Variants in NELL1 observed in about 807,000 individuals in gnomAD.
The protein encoded by NELL1 is protein kinase C-binding protein NELL1.
Under a neutral mutation model 107.4 loss-of-function variants are expected in NELL1, and 76 were observed. The ratio of observed to expected loss-of-function variants is 0.71; its 90% CI spans 0.59 to 0.86. The LOEUF is 0.86. NELL1 is among the 40% of genes least tolerant of loss of function. The pLI is 0.00. For synonymous variants in NELL1, 353 were observed against 341.2 expected, an observed-to-expected ratio of 1.03 and a Z score of -0.38; for missense variants, 1,024 against 1,005.5, an observed-to-expected ratio of 1.02 and a Z score of -0.25.
chr11:21,418,375 T>A (rs1852571911), intron 15 of NELL1, among the ~76,000 whole-genome samples: 1 of 152,156 alleles, frequency 6.6e-6, no homozygotes, highest in African/African-American at 2.4e-5. Flanking sequence ...ACTTATCTAC[T>A]GATTTGCCTT....
At chr11:21,041,575 G>A (rs1336380122) in intron 12 of NELL1, among the ~76,000 whole-genome samples, 1 of 152,140 alleles carries the variant, frequency 6.6e-6, no homozygotes, top group African/African-American at 2.4e-5. Context: ...TAAGACCATA[G>A]TTCCAGTTGC....
chr11:21,486,406 C>T (rs554002267), intron 15 of NELL1, among the ~76,000 whole-genome samples: 2 of 152,316 alleles, frequency 1.3e-5, no homozygotes, highest in East Asian at 3.9e-4. Context: ...AAAGACTGAA[C>T]TACTGCACAA....
intron 15 of NELL1, among the ~76,000 whole-genome samples, chr11:21,451,772 A>G (rs1590942789): frequency 6.6e-6 from 1 of 152,178 alleles, no homozygotes; most frequent in Non-Finnish European, 1.5e-5. Flanking sequence ...TTTCTTCCCT[A>G]TGAAATAAAA....
At chr11:21,123,911 CTCA>C (rs1855428944) in intron 13 of NELL1, among the ~76,000 whole-genome samples, 1 of 152,118 alleles carries the variant, frequency 6.6e-6, no homozygotes, top group Non-Finnish European at 1.5e-5. Flanking sequence ...ATGGAAAAGT[CTCA>C]TCATCTAACA....
intron 15 of NELL1, among the ~76,000 whole-genome samples, chr11:21,469,960 CACTT>C (rs58403369): frequency 0.092 from 14,053 of 151,992 alleles, 1,050 homozygotes; most frequent in African/African-American, 0.21. Context: ...CTGCTGATGA[CACTT>C]ACTATTTTTT....
intron 3 of NELL1, among the ~76,000 whole-genome samples, chr11:20,821,842 T>C (rs1464039815): frequency 6.6e-6 from 1 of 152,230 alleles, no homozygotes; most frequent in Admixed American, 6.5e-5. Context: ...TGTTCATTTG[T>C]ATGTTACTGG....
At chr11:21,280,098 C>T (rs1848959271) in intron 14 of NELL1, among the ~76,000 whole-genome samples, 1 of 152,112 alleles carries the variant, frequency 6.6e-6, no homozygotes. Flanking sequence ...ATTTTTAAGG[C>T]AGTGAAACTA....
intron 2 of NELL1, among the ~76,000 whole-genome samples, chr11:20,781,955 C>T (rs1290947835): frequency 1.3e-5 from 2 of 148,796 alleles, no homozygotes; most frequent in East Asian, 3.9e-4. Flanking sequence ...AGTGGGAGAT[C>T]GCTTGAGCCC....
chr11:21,548,355 G>A (rs888703165), intron 16 of NELL1, among the ~76,000 whole-genome samples: 5 of 151,840 alleles, frequency 3.3e-5, no homozygotes, highest in Non-Finnish European at 5.9e-5. Context: ...TCACACTGCT[G>A]ATAAAGACAT....
intron 12 of NELL1, among the ~76,000 whole-genome samples, chr11:20,986,399 C>T (rs1178749225): frequency 6.6e-6 from 1 of 152,182 alleles, no homozygotes; most frequent in Non-Finnish European, 1.5e-5. Flanking sequence ...GCCATTGTCA[C>T]CTTCACCTCC....
At chr11:21,174,541 C>T (rs533816545) in intron 13 of NELL1, among the ~76,000 whole-genome samples, 8 of 151,720 alleles carry the variant, frequency 5.3e-5, no homozygotes, top group South Asian at 2.1e-4. Context: ...CTATCTTGAA[C>T]AGTAGAAGTG....
chr11:21,142,389 A>G (rs570557600), intron 13 of NELL1, among the ~76,000 whole-genome samples: 1 of 152,342 alleles, frequency 6.6e-6, no homozygotes, highest in South Asian at 2.1e-4. Flanking sequence ...CTAGATCCAC[A>G]TTTCTCAAAT....
intron 14 of NELL1, among the ~76,000 whole-genome samples, chr11:21,243,071 G>A (rs74522377): frequency 0.041 from 6,301 of 151,996 alleles, 198 homozygotes; most frequent in East Asian, 0.073. Context: ...ATTCCCTCAG[G>A]CTGTGTTTTT....
At chr11:20,915,789 C>G (rs985440002) in intron 5 of NELL1, among the ~76,000 whole-genome samples, 1 of 140,730 alleles carries the variant, frequency 7.1e-6, no homozygotes, top group African/African-American at 2.6e-5. Context: ...TATAAAATCC[C>G]TTTTGTAGTT....
At chr11:21,479,880 T>G (rs1854447924) in intron 15 of NELL1, among the ~76,000 whole-genome samples, 1 of 143,756 alleles carries the variant, frequency 7.0e-6, no homozygotes. Context: ...CTTCCGGTTT[T>G]GCACCATCAC....
intron 5 of NELL1, among the ~76,000 whole-genome samples, chr11:20,893,123 C>T (rs1414731720): frequency 6.6e-6 from 1 of 151,942 alleles, no homozygotes; most frequent in East Asian, 1.9e-4. Context: ...ATGGGTGAAG[C>T]TGGAAGCCAT....
chr11:20,775,791 A>G (rs1048807255), intron 2 of NELL1, among the ~76,000 whole-genome samples: 1 of 152,232 alleles, frequency 6.6e-6, no homozygotes, highest in Non-Finnish European at 1.5e-5. Context: ...TGGGGGTACC[A>G]GAATCTCTTT....
rs569556243 is a variant in NELL1 at position 20,861,909 on chromosome 11, T to C, written c.506+14156T>C. ...GGACAGAGTACCTCCCTCAAGTGAT[T>C]GTGAGAATTAAATGTGACAGTGCAT... On this transcript the variant is annotated intron_variant, in intron 4 of 19. Transcript: ENST00000357134. Among the ~76,000 whole-genome samples the C allele has an allele frequency of 2.6e-5, 4 of 152,340 alleles. No individual in the cohort carries two copies. The East Asian group carries it at 7.7e-4, about 29-fold the overall frequency.
At chr11:21,372,332 A>G (rs1391118501) in intron 15 of NELL1, among the ~76,000 whole-genome samples, 1 of 151,942 alleles carries the variant, frequency 6.6e-6, no homozygotes, top group Non-Finnish European at 1.5e-5. Flanking sequence ...GAACTGCTGT[A>G]TTTCCCTAAA....
Sources: allele counts gnomAD v4.1 joint callset (sites outside exome capture counted in the v4.1 genomes callset), GRCh38; gene constraint gnomAD v4.1.1; transcripts MANE v1.5; gene names NCBI Gene and HGNC (gene_info 2026-07-23, HGNC 2026-07-21).